Variants in ZNF398 observed in about 807,000 individuals in gnomAD.
ZNF398 encodes zinc finger protein 398.
In ZNF398, 18 loss-of-function variants were observed where a neutral mutation model predicts 41.9. The ratio of observed to expected loss-of-function variants is 0.43; its 90% CI spans 0.30 to 0.64. The LOEUF is 0.64. ZNF398 is among the 30% of genes least tolerant of loss of function. The pLI is 0.14. For synonymous variants in ZNF398, 260 were observed against 308.8 expected (o/e 0.84, Z 1.66); for missense variants, 669 against 822.8 (o/e 0.81, Z 2.29).
rs750354375 is a variant in ZNF398 at position 149,166,942 on chromosome 7, A to T, written c.661+12A>T. The T allele has an allele frequency of 1.3e-6, 2 of 1,565,198 alleles. No individual in the cohort carries two copies. The highest frequency in any genetic ancestry group is 2.3e-5 in the South Asian group (2 of 88,502). ...AGACCCCAGTGAAGGTAAGTGGGAG[A>T]AGAGATTCCTACTTCTTGTCTCCCT... On this transcript the variant is annotated intron_variant, in intron 4 of 5. Coordinates refer to ENST00000475153, the MANE Select transcript of ZNF398 (RefSeq NM_170686.3).
intron 4 of ZNF398, among the ~76,000 whole-genome samples, chr7:149,173,055 G>A (rs1795381001): frequency 6.6e-6 from 1 of 150,624 alleles, no homozygotes; most frequent in South Asian, 2.1e-4. Context: ...TAATCCGGGT[G>A]GTGGTTGCTA....
rs1050247993 is a variant in ZNF398 at position 149,166,388 on chromosome 7, C to T, written c.547+104C>T. The T allele has an allele frequency of 1.1e-5, 16 of 1,439,500 alleles. No individual in the cohort carries two copies. The African/African-American group carries it at 2.1e-4, about 19-fold the overall frequency. 89.2% of individuals were successfully genotyped at this position (1,439,500 alleles called of 1,614,324 possible). On this transcript the variant is annotated intron_variant, in intron 3 of 5. Transcript: ENST00000475153. Reference sequence around the variant, plus strand: ...ACCTCATTCTCACTCTGTCTTCACACACTTCAAATTCTGGTTTCAAGCCAA... The same window carrying T: ...ACCTCATTCTCACTCTGTCTTCACATACTTCAAATTCTGGTTTCAAGCCAA...
intron 4 of ZNF398, among the ~76,000 whole-genome samples, chr7:149,168,799 C>T (rs1198310167): frequency 2.0e-5 from 3 of 152,038 alleles, no homozygotes; most frequent in South Asian, 2.1e-4. Context: ...AAGTGATCCA[C>T]CCGCCTTGGC....
intron 2 of ZNF398, among the ~76,000 whole-genome samples, chr7:149,165,100 A>T (rs1354512513): frequency 6.6e-6 from 1 of 150,734 alleles, no homozygotes; most frequent in African/African-American, 2.4e-5. Flanking sequence ...CTCTAAAAAA[A>T]AAAAAGAAAA....
intron 1 of ZNF398, among the ~76,000 whole-genome samples, chr7:149,149,870 G>A (rs1327145735): frequency 6.6e-6 from 1 of 151,998 alleles, no homozygotes; most frequent in African/African-American, 2.4e-5. Context: ...TTCATACTAA[G>A]TCTTCAAAGT....
At chr7:149,130,482 G>A (rs955745270) in intron 2 of ZNF398, among the ~76,000 whole-genome samples, 2 of 152,156 alleles carry the variant, frequency 1.3e-5, no homozygotes, top group African/African-American at 4.8e-5. Flanking sequence ...ATTTCTTTAA[G>A]GTAGATACCC....
intron 2 of ZNF398, among the ~76,000 whole-genome samples, chr7:149,132,876 G>A (rs1300726016): frequency 6.6e-6 from 1 of 152,144 alleles, no homozygotes; most frequent in East Asian, 1.9e-4. Flanking sequence ...GCTTCCGCTT[G>A]CTTGTGTATG....
At chr7:149,173,785 C>CTTT (rs528703910) in intron 4 of ZNF398, among the ~76,000 whole-genome samples, 13 of 71,590 alleles carry the variant, frequency 1.8e-4, no homozygotes, top group African/African-American at 3.9e-4. Context: ...TAGCATAATT[C>CTTT]TTTTTTTTTT....
In ZNF398 at chr7:149,164,061, G is replaced by A. The variant is rs887310144; in HGVS notation, c.421-2097G>A. On this transcript the variant is annotated intron_variant, in intron 2 of 5. Transcript: ENST00000475153. ...CAGGAGACAGAGGTTGCAGTGAGCC[G>A]AGATAGCGTCACTGCACTCCAGCCT... Among the ~76,000 whole-genome samples the A allele has an allele frequency of 5.3e-5, 8 of 151,250 alleles. No homozygotes were observed. The South Asian group carries it at 6.3e-4, about 12-fold the overall frequency.
intron 4 of ZNF398, among the ~76,000 whole-genome samples, chr7:149,173,922 C>T (rs551928151): frequency 3.4e-4 from 52 of 151,602 alleles, no homozygotes; most frequent in Middle Eastern, 3.4e-3. Flanking sequence ...GCCTCCTGGG[C>T]AGCTAGGAAA....
intron 4 of ZNF398, among the ~76,000 whole-genome samples, chr7:149,167,775 T>A (rs919412883): frequency 1.3e-5 from 2 of 151,756 alleles, no homozygotes; most frequent in Admixed American, 1.3e-4. Flanking sequence ...CACGTCCGGA[T>A]AATTTTTTCT....
At chr7:149,161,794 C>T (rs1320478676) in intron 2 of ZNF398, among the ~76,000 whole-genome samples, 1 of 140,694 alleles carries the variant, frequency 7.1e-6, no homozygotes, top group Non-Finnish European at 1.5e-5. Flanking sequence ...AATGAAGCTG[C>T]AGGTAATTAA....
At position 149,166,901 on chromosome 7, in the gene ZNF398, A is replaced by G. The variant is rs1795236703; in HGVS notation, c.632A>G (p.Glu211Gly). 6.2e-7 allele frequency: 1 copy of G among 1,612,626 alleles called. No individual in the cohort carries two copies. The highest frequency in any genetic ancestry group is 8.5e-7 in the Non-Finnish European group (1 of 1,179,032). ...ACAGAGGACCAGGCAGGGCCAGAGG[A>G]AAGTGAGATTCCCACAGACCCCAGT... ...HNTEDQAGPEESEIPTDPSEE... is the reference protein window; with the variant it reads ...HNTEDQAGPEGSEIPTDPSEE... Residue 211 changes from glutamate to glycine, a missense_variant, in exon 4 of 6, where the codon GAA (glutamate) becomes GGA (glycine). Glu to Gly is a moderately conservative substitution (Grantham distance 98, BLOSUM62 -2). Around this residue, in one of 3 missense-constraint regions of ZNF398, gnomAD observed 290 missense variants for 292.9 expected, o/e 0.99. Transcript: ENST00000475153.
rs910510561 is a variant in ZNF398, at chr7:149,150,539, C to T, written c.24+2773C>T. Among the ~76,000 whole-genome samples, 5 of 152,138 alleles carry T rather than the reference C, an allele frequency of 3.3e-5. No individual in the cohort carries two copies. In the East Asian group the frequency reaches 5.8e-4, roughly 18 times the overall value. Reference sequence around the variant, plus strand: ...GCTTGAGCCCATGAGATGGAGGTTGCGGTAAGCTGAGATTACACCACTGCA... The same window carrying T: ...GCTTGAGCCCATGAGATGGAGGTTGTGGTAAGCTGAGATTACACCACTGCA... On this transcript the variant is annotated intron_variant, in intron 1 of 5. Transcript: ENST00000475153.
At chr7:149,157,118 A>G (rs1794996586) in intron 2 of ZNF398, among the ~76,000 whole-genome samples, 1 of 152,058 alleles carries the variant, frequency 6.6e-6, no homozygotes, top group Non-Finnish European at 1.5e-5. Context: ...AGTTTCCTTG[A>G]GGGGAATACC....
At chr7:149,169,533 C>T (rs1216392834) in intron 4 of ZNF398, among the ~76,000 whole-genome samples, 1 of 152,044 alleles carries the variant, frequency 6.6e-6, no homozygotes, top group African/African-American at 2.4e-5. Context: ...ATCAGTGCAG[C>T]CTGTGCCTCC....
chr7:149,161,642 A>G (rs527643581), intron 2 of ZNF398, among the ~76,000 whole-genome samples: 6 of 152,340 alleles, frequency 3.9e-5, no homozygotes, highest in Admixed American at 2.6e-4. Context: ...ATACAAGCAT[A>G]CAAGGTGGCA....
chr7:149,133,666 T>TAC (rs1305359067), intron 2 of ZNF398, among the ~76,000 whole-genome samples: 6 of 48,926 alleles, frequency 1.2e-4, no homozygotes, highest in East Asian at 1.9e-3. Flanking sequence ...TATATATATA[T>TAC]ATATATATAT....
At chr7:149,152,462 G>A (rs868307851) in intron 1 of ZNF398, among the ~76,000 whole-genome samples, 2 of 151,540 alleles carry the variant, frequency 1.3e-5, no homozygotes, top group Non-Finnish European at 2.9e-5. Flanking sequence ...GGGTTTCACC[G>A]TGTTAGCCAG....
Sources: allele counts gnomAD v4.1 joint callset (sites outside exome capture counted in the v4.1 genomes callset), GRCh38; gene constraint gnomAD v4.1.1; regional missense constraint gnomAD v4.1.1; transcripts MANE v1.5; gene names NCBI Gene and HGNC (gene_info 2026-07-23, HGNC 2026-07-21).